DNAH6: variants seen among roughly 807,000 people sequenced by gnomAD.
The protein encoded by DNAH6 is dynein axonemal heavy chain 6, also known as axonemal beta dynein heavy chain 6.
DNAH6 carries 340 observed loss-of-function variants against 491.4 expected under a neutral mutation model. The observed-to-expected ratio is 0.69, with a 90% CI of 0.63 to 0.76. The LOEUF is 0.76. DNAH6 is among the 30% of genes least tolerant of loss of function. The pLI is 0.00. For synonymous variants in DNAH6, 1,603 were observed against 1,686.1 expected (o/e 0.95, Z 1.21); for missense variants, 4,443 against 4,972.2 (o/e 0.89, Z 3.20).
intron 64 of DNAH6, among the ~76,000 whole-genome samples, chr2:84,773,319 A>C (rs773827554): frequency 5.9e-5 from 9 of 151,914 alleles, no homozygotes; most frequent in South Asian, 4.1e-4. Flanking sequence ...TGGAGTATTT[A>C]GTTTTCTGTT....
intron 35 of DNAH6, 113 bp downstream of exon 35, chr2:84,654,895 A>G: frequency 1.7e-6 from 2 of 1,181,548 alleles, no homozygotes; most frequent in Admixed American, 2.3e-5. Context: ...AGGGGACTTC[A>G]TTATTTTACC....
intron 31 of DNAH6, among the ~76,000 whole-genome samples, chr2:84,638,074 A>G (rs1163551706): frequency 6.6e-6 from 1 of 152,184 alleles, no homozygotes; most frequent in African/African-American, 2.4e-5. Flanking sequence ...TACCAAAAAT[A>G]TAAAAATTAG....
intron 2 of DNAH6, among the ~76,000 whole-genome samples, chr2:84,519,962 G>A (rs941848854): frequency 6.6e-6 from 1 of 151,556 alleles, no homozygotes; most frequent in African/African-American, 2.4e-5. Flanking sequence ...TCTCCATCTA[G>A]CTTTTTACAC....
intron 5 of DNAH6, 54 bp downstream of exon 5, chr2:84,544,554 T>C (rs1403580499): frequency 9.6e-7 from 1 of 1,046,694 alleles, no homozygotes; most frequent in Non-Finnish European, 1.4e-6. Context: ...AAAGAAAGTG[T>C]GAATCTATTA....
In DNAH6 at chr2:84,706,882, C is replaced by T. The variant is rs749428363; in HGVS notation, c.8728-14C>T. 6.3e-5 allele frequency: 96 copies of T among 1,530,874 alleles called. No homozygotes were observed. The highest frequency in any genetic ancestry group is 8.0e-5 in the Non-Finnish European group (91 of 1,142,500). The allele number at this position is 1,530,874 out of a possible 1,614,324, so 94.8% of individuals were successfully genotyped here. On this transcript the variant is annotated splice_polypyrimidine_tract_variant and intron_variant, in intron 52 of 76. Coordinates refer to ENST00000389394, the MANE Select transcript of DNAH6 (RefSeq NM_001370.2). ...TTTTGGCCCTGTTCTTAAACAGTTGCTTGATTTTATTAGGCTGAACTTGAC... is the reference window on the plus strand; with the variant it reads ...TTTTGGCCCTGTTCTTAAACAGTTGTTTGATTTTATTAGGCTGAACTTGAC...
chr2:84,596,327 G>A (rs1175405519), intron 18 of DNAH6, among the ~76,000 whole-genome samples: 1 of 151,972 alleles, frequency 6.6e-6, no homozygotes. Flanking sequence ...TTTTGTTGTT[G>A]TTGTTTTGTT....
the DNAH6 span, among the ~76,000 whole-genome samples, chr2:84,472,746 C>T: frequency 2.6e-5 from 4 of 152,146 alleles, no homozygotes; most frequent in Admixed American, 6.6e-5. Flanking sequence ...AATGCATCCG[C>T]CCTTTGATTA....
chr2:84,813,716 T>G (rs1244170203), intron 74 of DNAH6, among the ~76,000 whole-genome samples: 1 of 152,178 alleles, frequency 6.6e-6, no homozygotes. Context: ...GACAGGGCAA[T>G]GCACTGAACA....
chr2:84,527,176 G>A (rs936230965), intron 3 of DNAH6, among the ~76,000 whole-genome samples: 4 of 152,176 alleles, frequency 2.6e-5, no homozygotes. Flanking sequence ...AGGAAGGAAA[G>A]TTGGAGGCCT....
chr2:84,553,929 G>A (rs1245046328), intron 10 of DNAH6, among the ~76,000 whole-genome samples: 1 of 152,084 alleles, frequency 6.6e-6, no homozygotes, highest in African/African-American at 2.4e-5. Context: ...AGCTTCACTG[G>A]CTACTCAGAT....
chr2:84,758,785 C>T (rs1420046955), intron 63 of DNAH6, among the ~76,000 whole-genome samples: 2 of 152,088 alleles, frequency 1.3e-5, no homozygotes, highest in African/African-American at 4.8e-5. Context: ...ATAGAAGGAA[C>T]ATATCTCAAA....
intron 11 of DNAH6, among the ~76,000 whole-genome samples, chr2:84,571,166 G>GT (rs1353114452): frequency 6.6e-6 from 1 of 152,178 alleles, no homozygotes; most frequent in Non-Finnish European, 1.5e-5. Flanking sequence ...AGAAGAGAAA[G>GT]TTTTTCTTTG....
rs556739348 is a variant in DNAH6 at position 84,816,358 on chromosome 2, C to T, written c.12373+275C>T. ...GTAGAGACTTCCACTTTCAAAATGG[C>T]GGCCTGAATAGACACGAAAATCTCT... On this transcript the variant is annotated intron_variant, in intron 76 of 76. Coordinates refer to ENST00000389394, the MANE Select transcript of DNAH6 (RefSeq NM_001370.2). 1.5e-4 allele frequency among the ~76,000 whole-genome samples: 23 copies of T among 152,202 alleles called. No homozygotes were observed. In the East Asian group the frequency reaches 3.5e-3, roughly 23 times the overall value.
Position 84,678,550 on chromosome 2 carries a change from A to C in DNAH6, c.6744+1414A>C, listed in dbSNP as rs569782182. 2.8e-4 allele frequency among the ~76,000 whole-genome samples: 42 copies of C among 152,250 alleles called. No homozygotes were observed. The South Asian group carries it at 7.9e-3, about 29-fold the overall frequency. ...AAAGCAAATTCAGGTTTATGACTAC[A>C]AAAACATCGTTCTTCATCATTCCAA... On this transcript the variant is annotated intron_variant, in intron 41 of 76. Coordinates refer to ENST00000389394, the MANE Select transcript of DNAH6 (RefSeq NM_001370.2).
intron 33 of DNAH6, among the ~76,000 whole-genome samples, chr2:84,652,615 C>T (rs1240378539): frequency 6.6e-6 from 1 of 151,964 alleles, no homozygotes; most frequent in Non-Finnish European, 1.5e-5. Flanking sequence ...CTTAGAAAGA[C>T]CGCCTTACCA....
In DNAH6 at chr2:84,595,010, C is replaced by T. The variant is rs78138395; in HGVS notation, c.2725-636C>T. The stretch of plus-strand genomic sequence containing the variant: ...GAGAAGAAGCAGCTTAAAGGATTTT[C>T]TGATTACCACCATGGATTAGAGCAG... On this transcript the variant is annotated intron_variant, in intron 17 of 76. Coordinates refer to ENST00000389394, the MANE Select transcript of DNAH6 (RefSeq NM_001370.2). Among the ~76,000 whole-genome samples the T allele has an allele frequency of 4.8e-3, 732 of 152,256 alleles. 3 individuals are homozygous for T. Among genetic ancestry groups the T allele is most frequent in the African/African-American group, 0.017 (686 of 41,540 alleles).
At chr2:84,738,292 C>T (rs953090942) in intron 62 of DNAH6, among the ~76,000 whole-genome samples, 3 of 152,022 alleles carry the variant, frequency 2.0e-5, no homozygotes, top group African/African-American at 4.8e-5. Context: ...AGAGTATGTT[C>T]CATATGCAGA....
At chr2:84,698,613 C>T (rs1695606332) in intron 47 of DNAH6, among the ~76,000 whole-genome samples, 1 of 152,190 alleles carries the variant, frequency 6.6e-6, no homozygotes, top group Non-Finnish European at 1.5e-5. Flanking sequence ...GAGCCACTTC[C>T]AGAAATAATA....
intron 4 of DNAH6, among the ~76,000 whole-genome samples, chr2:84,542,180 G>T (rs985886439): frequency 6.6e-6 from 1 of 152,168 alleles, no homozygotes; most frequent in Non-Finnish European, 1.5e-5. Flanking sequence ...ATCACACAGA[G>T]CAAGTTTTCC....
Sources: allele counts gnomAD v4.1 joint callset (sites outside exome capture counted in the v4.1 genomes callset), GRCh38; gene constraint gnomAD v4.1.1; transcripts MANE v1.5; gene names NCBI Gene and HGNC (gene_info 2026-07-23, HGNC 2026-07-21).